The following EPX variants were observed in gnomAD, a reference collection of about 807,000 sequenced individuals.
EPX encodes eosinophil peroxidase.
EPX carries 60 observed loss-of-function variants against 73.0 expected under a neutral mutation model. That is an observed-to-expected ratio of 0.82 (90% confidence interval 0.67 to 1.02). The LOEUF (loss-of-function observed/expected upper bound fraction) is 1.02, where lower values mean the gene tolerates loss of function less well. Ranked by LOEUF, EPX falls within the 50% of genes least tolerant of loss-of-function variation. EPX has a pLI of 0.00. For synonymous variants in EPX, 347 were observed against 389.2 expected, an observed-to-expected ratio of 0.89 and a Z score of 1.28; for missense variants, 950 against 973.9, an observed-to-expected ratio of 0.98 and a Z score of 0.33.
chr17:58,195,820 C>T (rs1353475137), intron 6 of EPX, among the ~76,000 whole-genome samples: 2 of 152,196 alleles, frequency 1.3e-5, no homozygotes, highest in East Asian at 1.9e-4. Context: ...GATGGCCTCT[C>T]CCTGTTGCAA....
Position 58,193,585 on chromosome 17 carries a change from G to A in EPX, c.346+39G>A, listed in dbSNP as rs763752555. Reference sequence around the variant, plus strand: ...CACTGAGCCCGCTGGGCCTACCCTGGCCTGGAGTAGAAGGAATCCAGGAGA... The same window carrying A: ...CACTGAGCCCGCTGGGCCTACCCTGACCTGGAGTAGAAGGAATCCAGGAGA... On this transcript the variant is annotated intron_variant, in intron 3 of 12. Transcript: ENST00000225371. 3 of 1,606,972 alleles carry A rather than the reference G, an allele frequency of 1.9e-6. No individual in the cohort carries two copies. The Admixed American group carries it at 5.0e-5, about 27-fold the overall frequency.
At position 58,195,082 on chromosome 17, in the gene EPX, C is replaced by A. The variant is rs144947854; in HGVS notation, c.713C>A (p.Ser238Tyr). 50 of 1,613,838 alleles carry A rather than the reference C, an allele frequency of 3.1e-5. No individual in the cohort carries two copies. Among genetic ancestry groups the A allele is most frequent in the Non-Finnish European group, 4.2e-5 (50 of 1,179,794 alleles). The change falls in exon 6 of 13, where the codon TCC (serine) becomes TAC (tyrosine). Residue 238 changes from serine (S) to tyrosine (Y), a missense_variant. Ser to Tyr is a moderately radical substitution (Grantham distance 144). Coordinates refer to ENST00000225371, the MANE Select transcript of EPX (RefSeq NM_000502.6). The part of the protein sequence containing the change: ...GQFIDHDLDF[S>Y]PESPARVAFT... ...TTCATTGACCATGACCTGGACTTCTCCCCGGAGTCCCCGGCCAGAGTGGCC... is the reference window on the plus strand; with the variant it reads ...TTCATTGACCATGACCTGGACTTCTACCCGGAGTCCCCGGCCAGAGTGGCC...
Position 58,193,119 on chromosome 17 carries a change from G to A in EPX, c.158G>A (p.Trp53Ter), listed in dbSNP as rs199900708. The change falls in exon 2 of 13, where the codon TGG becomes TAG. Residue 53 changes from tryptophan to a stop codon, truncating the protein, a stop_gained. Transcript: ENST00000225371. LOFTEE classifies it high-confidence loss of function. The part of the protein sequence containing the change: ...AKLLVDAAYN[W>*]TQKSIKQRLR... ...TTGCTGGTGGATGCTGCCTACAATT[G>A]GACCCAGAAGAGGTGGACTTGGGTC... 275 of 1,609,910 alleles carry A rather than the reference G, an allele frequency of 1.7e-4. 5 individuals carry two copies. The South Asian group carries it at 2.8e-3, about 17-fold the overall frequency.
chr17:58,193,099 G>C lies in EPX; in HGVS notation c.138G>C (p.Leu46=), dbSNP rs1435847406. The stretch of plus-strand genomic sequence containing the variant: ...ACTGCATAGCAGAGGCCAAGTTGCT[G>C]GTGGATGCTGCCTACAATTGGACCC... ...LRDCIAEAKL[L]VDAAYNWTQK... The change falls in exon 2 of 13, where the codon CTG becomes CTC. Residue 46 remains leucine (L), a synonymous_variant. Transcript: ENST00000225371. 6.2e-7 allele frequency: 1 copy of C among 1,613,132 alleles called. No individual in the cohort carries two copies. Among genetic ancestry groups the C allele is most frequent in the Admixed American group, 1.7e-5 (1 of 60,028 alleles).
In EPX at chr17:58,197,121, G is replaced by A; in HGVS notation, c.984G>A (p.Arg328=). The A allele has an allele frequency of 6.2e-7, 1 of 1,614,188 alleles. No homozygotes were observed. Among genetic ancestry groups the A allele is most frequent in the Non-Finnish European group, 8.5e-7 (1 of 1,180,046 alleles). Residue 328 remains arginine, a synonymous_variant, in exon 7 of 13, where the codon CGG becomes CGA. Coordinates refer to ENST00000225371, the MANE Select transcript of EPX (RefSeq NM_000502.6). ...EVSLSLRLRN[R]TNYLGLLAIN... Reference sequence around the variant, plus strand: ...CCCTCTCGCTGCGGCTCCGCAACCGGACCAACTACCTGGGGCTGCTGGCCA... The same window carrying A: ...CCCTCTCGCTGCGGCTCCGCAACCGAACCAACTACCTGGGGCTGCTGGCCA...
At chr17:58,196,052 TTTTTCTTTC>T (rs1555594630) in intron 6 of EPX, among the ~76,000 whole-genome samples, 2 of 150,838 alleles carry the variant, frequency 1.3e-5, no homozygotes, top group South Asian at 4.2e-4. Context: ...TTTTTCTTTC[TTTTTCTTTC>T]TTCCGTCCTT....
rs770057973 is a variant in EPX at position 58,200,314 on chromosome 17, C to T, written c.1627C>T (p.Arg543Trp). The T allele has an allele frequency of 2.5e-6, 4 of 1,614,200 alleles. No homozygotes were observed. The South Asian group carries it at 3.3e-5, about 13-fold the overall frequency. ...DAMLVDELRD[R>W]LFRQVRRIGL... ...CATGTTAGTGGATGAGCTCCGGGAC[C>T]GGCTGTTTCGGCAAGTGAGGAGGAT... Residue 543 changes from arginine to tryptophan, a missense_variant, in exon 10 of 13, where the codon CGG becomes TGG. Arg to Trp is a moderately radical substitution (Grantham distance 101, BLOSUM62 -3). Coordinates refer to ENST00000225371, the MANE Select transcript of EPX (RefSeq NM_000502.6).
intron 9 of EPX, 22 bp from the exon 10 acceptor site, chr17:58,200,203 T>C (rs1178186562): frequency 2.5e-6 from 4 of 1,613,142 alleles, no homozygotes; most frequent in Admixed American, 3.3e-5. Context: ...CAATCTGTGC[T>C]GCTCACATTC....
chr17:58,193,895 C>A (rs1968217298), intron 4 of EPX, 64 bp downstream of exon 4: 2 of 1,607,908 alleles, frequency 1.2e-6, no homozygotes, highest in South Asian at 2.2e-5. Context: ...CTGCACCCAC[C>A]CTCTCCCTCC....
At chr17:58,195,821 C>T (rs1402929252) in intron 6 of EPX, among the ~76,000 whole-genome samples, 1 of 152,174 alleles carries the variant, frequency 6.6e-6, no homozygotes, top group Non-Finnish European at 1.5e-5. Flanking sequence ...ATGGCCTCTC[C>T]CTGTTGCAAC....
At position 58,204,324 on chromosome 17, in the gene EPX, G is replaced by A. The variant is rs746032181; in HGVS notation, c.2049G>A (p.Thr683=). Residue 683 remains threonine (T), a synonymous_variant, in exon 12 of 13, where the codon ACG becomes ACA. Coordinates refer to ENST00000225371, the MANE Select transcript of EPX (RefSeq NM_000502.6). ...TATGTGACAATACCGGTATCACCAC[G>A]GTTTCAAGGGACATCTTCAGAGCCA... ...RIICDNTGIT[T]VSRDIFRANI... 8.1e-6 allele frequency: 13 copies of A among 1,613,670 alleles called. No homozygotes were observed. The highest frequency in any genetic ancestry group is 3.3e-5 in the South Asian group (3 of 91,080).
At position 58,203,240 on chromosome 17, in the gene EPX, T is replaced by C; in HGVS notation, c.1868T>C (p.Leu623Pro). ...TGGATTGGGGCCATCGCTGAGCCTC[T>C]TTTGCCGGGGGCTCGAGTGGGGCCT... is the stretch of plus-strand genomic sequence containing the variant. ...DIWIGAIAEP[L>P]LPGARVGPLL... Residue 623 changes from leucine to proline, a missense_variant, in exon 11 of 13, where the codon CTT (leucine) becomes CCT (proline). Leu to Pro is a moderately conservative substitution (Grantham distance 98). Transcript: ENST00000225371. The C allele has an allele frequency of 6.2e-7, 1 of 1,614,178 alleles. No homozygotes were observed. Among genetic ancestry groups the C allele is most frequent in the Non-Finnish European group, 8.5e-7 (1 of 1,180,024 alleles).
At chr17:58,199,815 G>A in intron 9 of EPX, 21 bp downstream of exon 9, 1 of 1,563,768 alleles carries the variant, frequency 6.4e-7, no homozygotes, top group South Asian at 1.1e-5. Flanking sequence ...TTTCCAGGGG[G>A]CAAATGGGGG....
chr17:58,195,496 T>A (rs1968243240), intron 6 of EPX, among the ~76,000 whole-genome samples: 1 of 152,152 alleles, frequency 6.6e-6, no homozygotes, highest in Non-Finnish European at 1.5e-5. Context: ...GCCTCTTAGC[T>A]CTTGCCCTTC....
chr17:58,202,071 T>C (rs1291535714), intron 10 of EPX, among the ~76,000 whole-genome samples: 2 of 152,202 alleles, frequency 1.3e-5, no homozygotes, highest in African/African-American at 2.4e-5. Context: ...TGCTCAACTT[T>C]AGTAAACATA....
intron 5 of EPX, among the ~76,000 whole-genome samples, chr17:58,194,328 GA>G (rs1261270139): frequency 6.6e-6 from 1 of 152,182 alleles, no homozygotes; most frequent in Non-Finnish European, 1.5e-5. Flanking sequence ...AATAGCTATA[GA>G]GGACATGATC....
chr17:58,203,493 C>T (rs994006278), intron 11 of EPX, among the ~76,000 whole-genome samples, 175 bp downstream of exon 11: 4 of 152,174 alleles, frequency 2.6e-5, no homozygotes, highest in Non-Finnish European at 5.9e-5. Context: ...AAGAGAGACA[C>T]TGACCCAGGC....
At chr17:58,202,319 G>A (rs556541596) in intron 10 of EPX, 6 of 152,518 alleles carry the variant, frequency 3.9e-5, no homozygotes, top group Non-Finnish European at 8.8e-5. Flanking sequence ...TTGGCCCTGC[G>A]TGGGATCCTG....
At position 58,197,274 on chromosome 17, in the gene EPX, G is replaced by A; in HGVS notation, c.1120+17G>A. 6.2e-7 allele frequency: 1 copy of A among 1,609,042 alleles called. No homozygotes were observed. Among genetic ancestry groups the A allele is most frequent in the South Asian group, 1.1e-5 (1 of 91,074 alleles). On this transcript the variant is annotated intron_variant, in intron 7 of 12. Transcript: ENST00000225371. Reference sequence around the variant, plus strand: ...TCCTGGCAGGTCAGACAGGGAGGAAGGTGGTGTCTTCCCAGGAAACAGCCA... The same window carrying A: ...TCCTGGCAGGTCAGACAGGGAGGAAAGTGGTGTCTTCCCAGGAAACAGCCA...
Sources: gnomAD v4.1 joint callset for allele counts (sites outside exome capture counted in the v4.1 genomes callset) on GRCh38, gnomAD v4.1.1 for gene constraint, MANE v1.5 for transcripts, NCBI Gene and HGNC (gene_info 2026-07-23, HGNC 2026-07-21) for gene names.